Variants in CTDSPL observed in about 807,000 individuals in gnomAD.
CTDSPL encodes CTD small phosphatase-like protein.
A neutral mutation model predicts 30.5 loss-of-function variants in CTDSPL; 8 were observed. The observed-to-expected ratio is 0.26, with a 90% CI of 0.15 to 0.47. The LOEUF (loss-of-function observed/expected upper bound fraction) is 0.47, where lower values mean the gene tolerates loss of function less well. CTDSPL is among the 20% of genes least tolerant of loss of function. CTDSPL has a pLI of 0.99. For synonymous variants in CTDSPL, 110 were observed against 137.9 expected (o/e 0.80, Z 1.42); for missense variants, 248 against 366.1 (o/e 0.68, Z 2.63).
At chr3:37,938,386 T>G (rs1575308091) in intron 1 of CTDSPL, among the ~76,000 whole-genome samples, 1 of 150,366 alleles carries the variant, frequency 6.7e-6, no homozygotes, top group Admixed American at 6.7e-5. Flanking sequence ...ACTGGTTATA[T>G]GGCATGGGCA....
chr3:37,892,082 C>T (rs1189711072), intron 1 of CTDSPL, among the ~76,000 whole-genome samples: 2 of 152,136 alleles, frequency 1.3e-5, no homozygotes, highest in African/African-American at 4.8e-5. Flanking sequence ...ATGGATGCAC[C>T]TTAATTCATC....
In CTDSPL at chr3:37,981,882, A is replaced by G. The variant is rs1277471672; in HGVS notation, c.*1015A>G. ...CTTGCTGCTACCGCGCTGCCACCAA[A>G]TGGAATTGACCAGCGGCTGTTACAC... On this transcript the variant is annotated 3_prime_UTR_variant, in exon 8 of 8. Transcript: ENST00000273179. 1 of 457,158 alleles carries G rather than the reference A, an allele frequency of 2.2e-6. No homozygotes were observed. Among genetic ancestry groups the G allele is most frequent in the Non-Finnish European group, 4.4e-6 (1 of 227,094 alleles). The allele number at this position is 457,158 out of a possible 1,614,324, so 28.3% of individuals were successfully genotyped here.
At chr3:37,923,509 G>A (rs1247128780) in intron 1 of CTDSPL, among the ~76,000 whole-genome samples, 1 of 152,040 alleles carries the variant, frequency 6.6e-6, no homozygotes, top group Non-Finnish European at 1.5e-5. Context: ...TGAAATATGT[G>A]GTTTATGCAA....
chr3:37,923,684 T>C (rs1460622967), intron 1 of CTDSPL, among the ~76,000 whole-genome samples: 1 of 152,224 alleles, frequency 6.6e-6, no homozygotes, highest in East Asian at 1.9e-4. Flanking sequence ...ATTGTACAGC[T>C]AAAAACTATA....
intron 1 of CTDSPL, among the ~76,000 whole-genome samples, chr3:37,920,782 A>C (rs1307096783): frequency 6.6e-6 from 1 of 152,194 alleles, no homozygotes; most frequent in East Asian, 1.9e-4. Flanking sequence ...AGGGGATGTA[A>C]TGTGGATGCA....
At chr3:37,923,358 A>G (rs1447421048) in intron 1 of CTDSPL, among the ~76,000 whole-genome samples, 1 of 152,198 alleles carries the variant, frequency 6.6e-6, no homozygotes, top group Non-Finnish European at 1.5e-5. Flanking sequence ...TGCTGTGAAG[A>G]CTTCCACAGA....
chr3:37,980,781 G>T lies in CTDSPL; in HGVS notation c.745G>T (p.Glu249Ter), dbSNP rs751168613. 6.2e-7 allele frequency: 1 copy of T among 1,614,236 alleles called. No homozygotes were observed. The highest frequency in any genetic ancestry group is 1.1e-5 in the South Asian group (1 of 91,080). ...CTGGTTCGATGACATGACGGACACG[G>T]AGCTGCTGGACCTCATCCCCTTCTT... ...QSWFDDMTDT[E>*]LLDLIPFFEG... The change falls in exon 8 of 8, where the codon GAG becomes TAG. Residue 249 changes from glutamate (E) to a stop codon, truncating the protein, a stop_gained. Coordinates refer to ENST00000273179, the MANE Select transcript of CTDSPL (RefSeq NM_001008392.2). LOFTEE classifies it high-confidence loss of function.
At chr3:37,879,853 T>G (rs2125591700) in intron 1 of CTDSPL, among the ~76,000 whole-genome samples, 1 of 152,208 alleles carries the variant, frequency 6.6e-6, no homozygotes, top group African/African-American at 2.4e-5. Flanking sequence ...ATATTAAATA[T>G]TATTTTATGT....
At chr3:37,915,256 G>A (rs763054845) in intron 1 of CTDSPL, among the ~76,000 whole-genome samples, 36 of 151,920 alleles carry the variant, frequency 2.4e-4, no homozygotes, top group Non-Finnish European at 4.9e-4. Context: ...TGTCTTTGGT[G>A]CTGAGCAGTT....
At chr3:37,964,490 A>G in intron 3 of CTDSPL, 81 bp from the exon 4 acceptor site, 1 of 894,096 alleles carries the variant, frequency 1.1e-6, no homozygotes. Context: ...CAGGCATTTA[A>G]ATGTTTGAAA....
chr3:37,902,726 G>A (rs1698465781), intron 1 of CTDSPL, among the ~76,000 whole-genome samples: 1 of 152,016 alleles, frequency 6.6e-6, no homozygotes, highest in South Asian at 2.1e-4. Context: ...TGGGTCAGTG[G>A]CCTCCCACTG....
At chr3:37,945,968 G>T (rs1699032170) in intron 1 of CTDSPL, among the ~76,000 whole-genome samples, 1 of 152,218 alleles carries the variant, frequency 6.6e-6, no homozygotes, top group Admixed American at 6.5e-5. Context: ...ACAAAAAGAG[G>T]AATTGTGCCA....
intron 1 of CTDSPL, among the ~76,000 whole-genome samples, chr3:37,928,445 C>A (rs1252586631): frequency 6.6e-6 from 1 of 152,156 alleles, no homozygotes; most frequent in Non-Finnish European, 1.5e-5. Flanking sequence ...GAAGTGATAT[C>A]CCATTGTGGT....
intron 1 of CTDSPL, among the ~76,000 whole-genome samples, chr3:37,933,874 G>A (rs1052893449): frequency 6.6e-6 from 1 of 152,104 alleles, no homozygotes; most frequent in Non-Finnish European, 1.5e-5. Context: ...TGTCTGACCA[G>A]TCTCATATTG....
intron 3 of CTDSPL, among the ~76,000 whole-genome samples, chr3:37,960,527 T>TACACAC (rs1331368484): frequency 4.7e-5 from 3 of 63,644 alleles, no homozygotes; most frequent in African/African-American, 6.8e-5. Flanking sequence ...TATATATATA[T>TACACAC]ATATATATAC....
At chr3:37,940,925 G>A (rs1479654349) in intron 1 of CTDSPL, among the ~76,000 whole-genome samples, 1 of 150,452 alleles carries the variant, frequency 6.6e-6, no homozygotes, top group Non-Finnish European at 1.5e-5. Context: ...CATTTGGAAG[G>A]CTTCCTGTCT....
At chr3:37,976,200 C>T (rs1370536872) in intron 7 of CTDSPL, among the ~76,000 whole-genome samples, 1 of 152,108 alleles carries the variant, frequency 6.6e-6, no homozygotes, top group African/African-American at 2.4e-5. Context: ...CTCTATAAGC[C>T]TGTATCGTCT....
At chr3:37,940,847 G>A (rs1346520079) in intron 1 of CTDSPL, among the ~76,000 whole-genome samples, 2 of 150,500 alleles carry the variant, frequency 1.3e-5, no homozygotes, top group Admixed American at 1.3e-4. Flanking sequence ...CTCCCCATCT[G>A]TAACTGGTGC....
chr3:37,951,323 G>A (rs1397856687), intron 2 of CTDSPL, among the ~76,000 whole-genome samples: 1 of 151,282 alleles, frequency 6.6e-6, no homozygotes, highest in Admixed American at 6.6e-5. Context: ...AGCCGAGATC[G>A]CCACACTGCA....
Sources: gnomAD v4.1 joint callset for allele counts (sites outside exome capture counted in the v4.1 genomes callset) on GRCh38, gnomAD v4.1.1 for gene constraint, MANE v1.5 for transcripts, NCBI Gene and HGNC (gene_info 2026-07-23, HGNC 2026-07-21) for gene names.